The following BIRC6 variants were observed in gnomAD, a reference collection of about 807,000 sequenced individuals.
BIRC6 encodes the protein dual E2 ubiquitin-conjugating enzyme/E3 ubiquitin-protein ligase BIRC6.
In BIRC6, 98 loss-of-function variants were observed where a neutral mutation model predicts 503.3. The ratio of observed to expected loss-of-function variants is 0.19; its 90% CI spans 0.17 to 0.23. The LOEUF is 0.23. BIRC6 is among the 10% of genes least tolerant of loss of function. BIRC6 has a pLI of 1.00. For missense variants in BIRC6, 5,360 were observed against 5,806.0 expected, an observed-to-expected ratio of 0.92 and a Z score of 2.50; for synonymous variants, 2,240 against 2,078.7, an observed-to-expected ratio of 1.08 and a Z score of -2.11.
At position 32,442,343 on chromosome 2, in the gene BIRC6, A is replaced by T. The variant is rs1323331581; in HGVS notation, c.4126A>T (p.Asn1376Tyr). 2 of 1,613,002 alleles carry T rather than the reference A, an allele frequency of 1.2e-6. No homozygotes were observed. Among genetic ancestry groups the T allele is most frequent in the Non-Finnish European group, 1.7e-6 (2 of 1,179,484 alleles). ...GPGSSKEGNE[N>Y]LLSKTRKFLS... Reference sequence around the variant, plus strand: ...TTGCAGCTCAAAGGAAGGAAATGAGAACCTACTTTCAAAAACACGAAAATT... The same window carrying T: ...TTGCAGCTCAAAGGAAGGAAATGAGTACCTACTTTCAAAAACACGAAAATT... The change falls in exon 19 of 74, where the codon AAC (asparagine) becomes TAC (tyrosine). Residue 1376 changes from asparagine to tyrosine, a missense_variant. Asn to Tyr is a moderately radical substitution (Grantham distance 143). Coordinates refer to ENST00000421745, the MANE Select transcript of BIRC6 (RefSeq NM_016252.4).
At position 32,357,142 on chromosome 2, in the gene BIRC6, G is replaced by T. The variant is rs1250469325; in HGVS notation, c.-20G>T. 6.8e-7 allele frequency: 1 copy of T among 1,475,624 alleles called. No homozygotes were observed. The allele number at this position is 1,475,624 out of a possible 1,614,324, so 91.4% of individuals were successfully genotyped here. On this transcript the variant is annotated 5_prime_UTR_variant, in exon 1 of 74. Transcript: ENST00000421745. This position sits in a 1 kb window ranked among gnomAD's most constrained non-coding sequence, Gnocchi z 4.9. Reference sequence around the variant, plus strand: ...GACTTCACTTCCGGCTAACGCGCTCGGCTTGCCCCCTGGCCCCGGATGGTG... The same window carrying T: ...GACTTCACTTCCGGCTAACGCGCTCTGCTTGCCCCCTGGCCCCGGATGGTG...
intron 61 of BIRC6, among the ~76,000 whole-genome samples, chr2:32,542,646 A>G (rs924087548): frequency 2.6e-5 from 4 of 152,208 alleles, no homozygotes; most frequent in African/African-American, 9.6e-5. Context: ...AGACTGATCA[A>G]AAGTTTGGTG....
chr2:32,597,438 TATATG>T (rs1470493452), intron 68 of BIRC6, among the ~76,000 whole-genome samples: 1 of 152,222 alleles, frequency 6.6e-6, no homozygotes, highest in East Asian at 1.9e-4. Flanking sequence ...CCCTGTCCTC[TATATG>T]ATATAAAATT....
chr2:32,565,151 A>G (rs2059446505), intron 65 of BIRC6: 1 of 152,204 alleles, frequency 6.6e-6, no homozygotes, highest in African/African-American at 2.4e-5. Context: ...AGAAAAATTG[A>G]GTTCTCATAA....
At position 32,531,464 on chromosome 2, in the gene BIRC6, G is replaced by T. The variant is rs1176458589; in HGVS notation, c.12204G>T (p.Gln4068His). ...CTTTGCTTGAAACCTGTCCAATTCAGTCACCATTACAAGTTTTTGCAGGAA... is the reference window on the plus strand; with the variant it reads ...CTTTGCTTGAAACCTGTCCAATTCATTCACCATTACAAGTTTTTGCAGGAA... ...DESLLETCPIQSPLQVFAGMG... is the reference protein window; with the variant it reads ...DESLLETCPIHSPLQVFAGMG... Residue 4068 changes from glutamine (Q) to histidine (H), a missense_variant, in exon 61 of 74, where the codon CAG becomes CAT. This residue lies in a region of BIRC6 where 878 missense variants were observed against 928.9 expected (regional missense o/e 0.95). Transcript: ENST00000421745. 2 of 1,613,804 alleles carry T rather than the reference G, an allele frequency of 1.2e-6. No homozygotes were observed. The highest frequency in any genetic ancestry group is 1.7e-5 in the Admixed American group (1 of 60,006).
rs535072580 is a variant in BIRC6, at chr2:32,502,004, C to T, written c.9207+116C>T. 35 of 1,071,518 alleles carry T rather than the reference C, an allele frequency of 3.3e-5. 1 individual carries two copies. Among genetic ancestry groups the T allele is most frequent in the Non-Finnish European group, 3.9e-5 (30 of 762,346 alleles). The allele number at this position is 1,071,518 out of a possible 1,614,324, so 66.4% of individuals were successfully genotyped here. On this transcript the variant is annotated intron_variant, in intron 47 of 73. Transcript: ENST00000421745. ...TTATTATATATCGGACAATGAAAAGCATCAGTACAAGAGGGCTGTGGATTA... is the reference window on the plus strand; with the variant it reads ...TTATTATATATCGGACAATGAAAAGTATCAGTACAAGAGGGCTGTGGATTA...
chr2:32,392,617 C>T (rs143965924), intron 5 of BIRC6, among the ~76,000 whole-genome samples: 1 of 152,064 alleles, frequency 6.6e-6, no homozygotes, highest in East Asian at 1.9e-4. Flanking sequence ...TTTTAAAAAA[C>T]AATTATTTTT....
Position 32,470,332 on chromosome 2 carries a change from AAAC to A in BIRC6, c.6481+34_6481+36del, listed in dbSNP as rs753562964. On this transcript the variant is annotated intron_variant, in intron 31 of 73. Coordinates refer to ENST00000421745, the MANE Select transcript of BIRC6 (RefSeq NM_016252.4). ...AAGAGAAAGCAGTGTTCTTTAGTAA[AAAC>A]AATATTCCTGCAAATATTTCTTTTA... The A allele has an allele frequency of 5.0e-5, 75 of 1,496,954 alleles. 1 individual carries two copies. Among genetic ancestry groups the A allele is most frequent in the Non-Finnish European group, 1.2e-5 (13 of 1,120,138 alleles). 92.7% of individuals were successfully genotyped at this position (1,496,954 alleles called of 1,614,324 possible).
chr2:32,367,018 G>A (rs2035038243), intron 1 of BIRC6, among the ~76,000 whole-genome samples: 1 of 152,156 alleles, frequency 6.6e-6, no homozygotes, highest in Non-Finnish European at 1.5e-5. Flanking sequence ...CTGTAGAACT[G>A]TAGCACTTCA....
intron 20 of BIRC6, among the ~76,000 whole-genome samples, chr2:32,445,273 A>T (rs572004896): frequency 1.3e-5 from 2 of 152,376 alleles, no homozygotes. Flanking sequence ...ATGACTTTAT[A>T]AAACTCTCCA....
chr2:32,518,705 T>C, intron 56 of BIRC6, 112 bp from the exon 57 acceptor site: 2 of 1,254,758 alleles, frequency 1.6e-6, no homozygotes, highest in Non-Finnish European at 2.2e-6. Flanking sequence ...AAATTAATTA[T>C]ATCTTGTAGG....
In BIRC6 at chr2:32,500,006, G is replaced by C; in HGVS notation, c.8928G>C (p.Ser2976=). The change falls in exon 46 of 74, where the codon TCG becomes TCC. Residue 2976 remains serine (S), a synonymous_variant. Transcript: ENST00000421745. Reference sequence around the variant, plus strand: ...GAAGCAGTACCAGTGTTCAAGGATCGCCTGCATATGTTGCTGACTTAGTCT... The same window carrying C: ...GAAGCAGTACCAGTGTTCAAGGATCCCCTGCATATGTTGCTGACTTAGTCT... ...GNGSSTSVQG[S]PAYVADLVLA... 6.2e-7 allele frequency: 1 copy of C among 1,613,940 alleles called. No homozygotes were observed. Among genetic ancestry groups the C allele is most frequent in the Non-Finnish European group, 8.5e-7 (1 of 1,179,872 alleles).
At chr2:32,427,084 A>G (rs770826165) in intron 10 of BIRC6, among the ~76,000 whole-genome samples, 11 of 151,836 alleles carry the variant, frequency 7.2e-5, no homozygotes, top group Non-Finnish European at 1.3e-4. Flanking sequence ...GCTTATATAT[A>G]TATGTGTTAT....
In BIRC6 at chr2:32,482,462, G is replaced by A; in HGVS notation, c.7576G>A (p.Ala2526Thr). 6.2e-7 allele frequency: 1 copy of A among 1,613,920 alleles called. No individual in the cohort carries two copies. The highest frequency in any genetic ancestry group is 8.5e-7 in the Non-Finnish European group (1 of 1,179,846). Reference sequence around the variant, plus strand: ...CAGTACATGGTATGATTATTGGGGTGCTGATTATGGGACCTACAATTACAA... The same window carrying A: ...CAGTACATGGTATGATTATTGGGGTACTGATTATGGGACCTACAATTACAA... ...ISSTWYDYWGADYGTYNYNPY... is the reference protein window; with the variant it reads ...ISSTWYDYWGTDYGTYNYNPY... Residue 2526 changes from alanine (A) to threonine (T), a missense_variant, in exon 39 of 74, where the codon GCT (alanine) becomes ACT (threonine). Physicochemically the swap from Ala to Thr is moderately conservative, Grantham distance 58. Coordinates refer to ENST00000421745, the MANE Select transcript of BIRC6 (RefSeq NM_016252.4).
At position 32,415,196 on chromosome 2, in the gene BIRC6, C is replaced by G. The variant is rs1040093828; in HGVS notation, c.1905C>G (p.Ile635Met). Residue 635 changes from isoleucine to methionine, a missense_variant, in exon 10 of 74, where the codon ATC becomes ATG. Transcript: ENST00000421745. ...RTLPVLLLYSIKESDEKAGKI... is the reference protein window; with the variant it reads ...RTLPVLLLYSMKESDEKAGKI... Reference sequence around the variant, plus strand: ...TACCGGTTTTGCTTCTTTATAGCATCAAGGAATCTGATGAGAAAGCAGGAA... The same window carrying G: ...TACCGGTTTTGCTTCTTTATAGCATGAAGGAATCTGATGAGAAAGCAGGAA... 6.2e-7 allele frequency: 1 copy of G among 1,613,890 alleles called. No individual in the cohort carries two copies. The highest frequency in any genetic ancestry group is 8.5e-7 in the Non-Finnish European group (1 of 1,179,860).
At chr2:32,449,284 AGATTTCCTATTTCAAAAAT>A (rs1197166453) in intron 22 of BIRC6, 1 of 162,750 alleles carries the variant, frequency 6.1e-6, no homozygotes, top group Admixed American at 6.4e-5. Flanking sequence ...AAGTTAAAAA[AGATTTCCTATTTCAAAAAT>A]ACAAAATTAG....
rs1460185544 is a variant in BIRC6 at position 32,499,728 on chromosome 2, G to C, written c.8650G>C (p.Asp2884His). ...SDKVMSRSGS[D>H]SSVGARACFG... Reference sequence around the variant, plus strand: ...CAAAGTAATGTCAAGAAGTGGATCAGATAGCTCCGTGGGTGCTCGAGCATG... The same window carrying C: ...CAAAGTAATGTCAAGAAGTGGATCACATAGCTCCGTGGGTGCTCGAGCATG... Residue 2884 changes from aspartate to histidine, a missense_variant, in exon 46 of 74, where the codon GAT becomes CAT. Coordinates refer to ENST00000421745, the MANE Select transcript of BIRC6 (RefSeq NM_016252.4). 2 of 1,614,002 alleles carry C rather than the reference G, an allele frequency of 1.2e-6. No individual in the cohort carries two copies. Among genetic ancestry groups the C allele is most frequent in the South Asian group, 2.2e-5 (2 of 91,086 alleles).
intron 66 of BIRC6, among the ~76,000 whole-genome samples, chr2:32,584,821 A>G (rs576585454): frequency 2.0e-5 from 3 of 152,170 alleles, no homozygotes; most frequent in Non-Finnish European, 4.4e-5. Flanking sequence ...TTCACCCATC[A>G]AGGACTTGCA....
At chr2:32,488,848 A>T in intron 42 of BIRC6, 134 bp downstream of exon 42, 1 of 615,732 alleles carries the variant, frequency 1.6e-6, no homozygotes, top group Non-Finnish European at 2.5e-6. Flanking sequence ...ATACCTTTTT[A>T]AAAAGATGCA....
Sources: allele counts gnomAD v4.1 joint callset (sites outside exome capture counted in the v4.1 genomes callset), GRCh38; gene constraint gnomAD v4.1.1; regional missense constraint gnomAD v4.1.1; non-coding constraint Gnocchi (gnomAD v3.1); transcripts MANE v1.5; gene names NCBI Gene and HGNC (gene_info 2026-07-23, HGNC 2026-07-21).